The following RBL1 variants were observed in gnomAD, a reference collection of about 807,000 sequenced individuals.
The protein encoded by RBL1 is RB transcriptional corepressor like 1, also known as retinoblastoma-like protein 1.
RBL1 carries 82 observed loss-of-function variants against 123.0 expected under a neutral mutation model. That is an observed-to-expected ratio of 0.67 (90% CI 0.56 to 0.80). The LOEUF (loss-of-function observed/expected upper bound fraction) is 0.80. Among genes scored for constraint, RBL1 ranks in the 30% least tolerant of loss-of-function variants. The probability of loss-of-function intolerance (pLI) is 0.00; values close to 1 mark genes in which losing one functional copy is unlikely to be tolerated. For missense variants in RBL1, 1,171 were observed against 1,299.6 expected, an observed-to-expected ratio of 0.90 and a Z score of 1.52; for synonymous variants, 405 against 441.3, an observed-to-expected ratio of 0.92 and a Z score of 1.03.
At position 36,998,697 on chromosome 20, in the gene RBL1, C is replaced by A. The variant is rs2063915624; in HGVS notation, c.*62G>T. On this transcript the variant is annotated 3_prime_UTR_variant, in exon 22 of 22. Transcript: ENST00000373664. ...CTATAGGGCTAAAAGGTTTGAAGGA[C>A]AGAGCTCCAACTTTCTGCAGAACAA... The A allele has an allele frequency of 8.2e-6, 12 of 1,461,006 alleles. No homozygotes were observed. The South Asian group carries it at 1.6e-4, about 19-fold the overall frequency. The allele number at this position is 1,461,006 out of a possible 1,614,324, so 90.5% of individuals were successfully genotyped here.
chr20:37,055,744 G>A (rs1183182217), intron 10 of RBL1, 88 bp from the exon 11 acceptor site: 2 of 1,234,864 alleles, frequency 1.6e-6, no homozygotes, highest in Non-Finnish European at 2.2e-6. Flanking sequence ...ACTTAAATCT[G>A]ATACATTAAG....
At chr20:37,076,278 C>G (rs1391580287) in intron 2 of RBL1, among the ~76,000 whole-genome samples, 1 of 152,092 alleles carries the variant, frequency 6.6e-6, no homozygotes, top group Non-Finnish European at 1.5e-5. Flanking sequence ...ACGCATATAC[C>G]TATGATAAAG....
chr20:37,094,634 G>A (rs1271519355), intron 1 of RBL1, among the ~76,000 whole-genome samples: 2 of 152,092 alleles, frequency 1.3e-5, no homozygotes, highest in East Asian at 1.9e-4. Flanking sequence ...GCTTATGCTC[G>A]TCTGGGTTTC....
intron 20 of RBL1, among the ~76,000 whole-genome samples, chr20:37,004,070 CT>C (rs769240103): frequency 1.5e-3 from 206 of 136,358 alleles, no homozygotes; most frequent in Middle Eastern, 3.7e-3. Context: ...TTTCCTGAAT[CT>C]TTTTTTTTTT....
At chr20:37,006,384 G>T (rs959285723) in intron 20 of RBL1, among the ~76,000 whole-genome samples, 2 of 150,000 alleles carry the variant, frequency 1.3e-5, no homozygotes, top group Non-Finnish European at 3.0e-5. Flanking sequence ...GTAGAGATGG[G>T]ATTTCACCAT....
intron 2 of RBL1, among the ~76,000 whole-genome samples, chr20:37,087,777 C>T (rs372526456): frequency 3.5e-4 from 54 of 152,158 alleles, no homozygotes; most frequent in African/African-American, 1.3e-3. Context: ...AAAAAAAATG[C>T]CATAAAGAAC....
Position 36,998,558 on chromosome 20 carries a change from T to C in RBL1, c.*201A>G, listed in dbSNP as rs1023787115. ...GTATTTTTAAAAGGCACTTAAAATA[T>C]TCCTTTCCAATCCAACTCAAAATAC... is the stretch of plus-strand genomic sequence containing the variant. On this transcript the variant is annotated 3_prime_UTR_variant, in exon 22 of 22. Transcript: ENST00000373664. 1 of 533,976 alleles carries C rather than the reference T, an allele frequency of 1.9e-6. No homozygotes were observed. Among genetic ancestry groups the C allele is most frequent in the Admixed American group, 3.6e-5 (1 of 27,424 alleles). The allele number at this position is 533,976 out of a possible 1,614,324, so 33.1% of individuals were successfully genotyped here. A position where few individuals can be genotyped will look rare whatever the true frequency, so the allele number is the denominator to read the frequency against.
intron 9 of RBL1, among the ~76,000 whole-genome samples, chr20:37,058,180 T>G (rs1230900201): frequency 6.7e-6 from 1 of 148,630 alleles, no homozygotes; most frequent in African/African-American, 2.5e-5. Flanking sequence ...CTATTCCTAG[T>G]CAGGGACGTC....
At chr20:37,032,060 T>G (rs2064522849) in intron 16 of RBL1, among the ~76,000 whole-genome samples, 1 of 151,978 alleles carries the variant, frequency 6.6e-6, no homozygotes, top group Non-Finnish European at 1.5e-5. Flanking sequence ...AACAGACACC[T>G]GTACACAAAT....
intron 19 of RBL1, among the ~76,000 whole-genome samples, chr20:37,017,416 C>T (rs1367267575): frequency 1.3e-5 from 2 of 151,268 alleles, no homozygotes; most frequent in Admixed American, 6.6e-5. Context: ...ATATTACATA[C>T]ACCTGAAATA....
chr20:37,062,298 A>C, intron 7 of RBL1, 28 bp from the exon 8 acceptor site: 1 of 1,605,394 alleles, frequency 6.2e-7, no homozygotes, highest in Non-Finnish European at 8.5e-7. Flanking sequence ...ATAAGCTGTA[A>C]TACTAAGTTA....
intron 19 of RBL1, among the ~76,000 whole-genome samples, chr20:37,009,059 C>G (rs1380175727): frequency 6.6e-6 from 1 of 151,458 alleles, no homozygotes; most frequent in East Asian, 1.9e-4. Context: ...GAGTCTTGCT[C>G]TGTCACCCAG....
intron 2 of RBL1, among the ~76,000 whole-genome samples, chr20:37,077,170 C>T (rs889288092): frequency 3.3e-5 from 5 of 152,098 alleles, no homozygotes; most frequent in South Asian, 4.1e-4. Context: ...CGCCTGACCT[C>T]GATGATCTGC....
intron 19 of RBL1, 77 bp from the exon 20 acceptor site, chr20:37,007,636 A>T: frequency 6.9e-7 from 1 of 1,454,694 alleles, no homozygotes. Context: ...TTTGTCACCC[A>T]GGGTGGAGTG....
At chr20:37,085,113 G>C (rs190474535) in intron 2 of RBL1, among the ~76,000 whole-genome samples, 37 of 147,720 alleles carry the variant, frequency 2.5e-4, no homozygotes, top group African/African-American at 9.0e-4. Flanking sequence ...GCCAAAAGGA[G>C]ACGTTTTTCT....
intron 2 of RBL1, among the ~76,000 whole-genome samples, chr20:37,072,071 G>A (rs182407659): frequency 6.6e-6 from 1 of 152,204 alleles, no homozygotes; most frequent in Non-Finnish European, 1.5e-5. Context: ...GACTCTTAAG[G>A]ACCTCATTAA....
intron 20 of RBL1, among the ~76,000 whole-genome samples, chr20:37,006,071 G>GTT (rs974345395): frequency 2.1e-5 from 3 of 142,868 alleles, no homozygotes; most frequent in East Asian, 2.0e-4. Context: ...CTAGTTTTTA[G>GTT]TTTTTTTTTT....
chr20:37,074,508 C>G (rs916240925), intron 2 of RBL1, among the ~76,000 whole-genome samples: 5 of 151,648 alleles, frequency 3.3e-5, no homozygotes, highest in African/African-American at 1.2e-4. Flanking sequence ...CATTAGCCAT[C>G]AGGGAAATGC....
intron 20 of RBL1, among the ~76,000 whole-genome samples, chr20:37,006,078 T>C (rs1174891252): frequency 6.6e-6 from 1 of 151,606 alleles, no homozygotes; most frequent in Non-Finnish European, 1.5e-5. Context: ...TTAGTTTTTT[T>C]TTTTAAGAGA....
Sources: allele counts gnomAD v4.1 joint callset (sites outside exome capture counted in the v4.1 genomes callset), GRCh38; gene constraint gnomAD v4.1.1; transcripts MANE v1.5; gene names NCBI Gene and HGNC (gene_info 2026-07-23, HGNC 2026-07-21).